The following TMEM161B variants were observed in gnomAD, a reference collection of about 807,000 sequenced individuals.
TMEM161B encodes the protein transmembrane protein 161B.
Under a neutral mutation model 61.8 loss-of-function variants are expected in TMEM161B, and 34 were observed. The ratio of observed to expected loss-of-function variants is 0.55; its 90% CI spans 0.42 to 0.73. The LOEUF is 0.73. Among genes scored for constraint, TMEM161B ranks in the 30% least tolerant of loss-of-function variants. The pLI is 0.00. For missense variants in TMEM161B, 456 were observed against 558.5 expected, an observed-to-expected ratio of 0.82 and a Z score of 1.85; for synonymous variants, 167 against 192.8, an observed-to-expected ratio of 0.87 and a Z score of 1.11.
intron 1 of TMEM161B, among the ~76,000 whole-genome samples, chr5:88,243,839 T>C (rs1192653178): frequency 6.6e-6 from 1 of 151,978 alleles, no homozygotes; most frequent in Non-Finnish European, 1.5e-5. Context: ...ATTTCTCTAA[T>C]GATTAGTGAT....
chr5:88,211,011 T>C (rs964608773), intron 5 of TMEM161B, among the ~76,000 whole-genome samples: 1 of 152,130 alleles, frequency 6.6e-6, no homozygotes, highest in Non-Finnish European at 1.5e-5. Context: ...CCTAATCCTT[T>C]AATAATGTTA....
rs564925991 is a variant in TMEM161B at position 88,251,165 on chromosome 5, G to A, written c.4-10249C>T. ...ATGAAATCATAGGGGTAAAGAAAAC[G>A]GTCCTCATATACTGAGTCTGCCTCA... is the stretch of plus-strand genomic sequence containing the variant. On this transcript the variant is annotated intron_variant, in intron 1 of 11. Coordinates refer to ENST00000296595, the MANE Select transcript of TMEM161B (RefSeq NM_153354.5). 4.6e-5 allele frequency: 7 copies of A among 152,086 alleles called. No homozygotes were observed. In the South Asian group the frequency reaches 1.0e-3, roughly 23 times the overall value. The allele number at this position is 152,086 out of a possible 1,614,324, so 9.4% of individuals were successfully genotyped here.
chr5:88,220,617 G>A lies in TMEM161B; in HGVS notation c.392C>T (p.Thr131Ile). 6.3e-7 allele frequency: 1 copy of A among 1,590,978 alleles called. No homozygotes were observed. Among genetic ancestry groups the A allele is most frequent in the Admixed American group, 1.7e-5 (1 of 57,662 alleles). ...TEVYYNFMKP[T>I]QEMNISLVWC... ...GACTAAGCTGATATTCATTTCCTGT[G>A]TAGGCTTCATAAAATTGTAGTAGAC... Residue 131 changes from threonine to isoleucine, a missense_variant, in exon 5 of 12, where the codon ACA (threonine) becomes ATA (isoleucine). Physicochemically the swap from Thr to Ile is moderately conservative, Grantham distance 89. This residue lies in a region of TMEM161B where 367 missense variants were observed against 427.3 expected (regional missense o/e 0.86). Coordinates refer to ENST00000296595, the MANE Select transcript of TMEM161B (RefSeq NM_153354.5).
At chr5:88,257,747 C>T (rs1755159997) in intron 1 of TMEM161B, among the ~76,000 whole-genome samples, 1 of 152,184 alleles carries the variant, frequency 6.6e-6, no homozygotes, top group Non-Finnish European at 1.5e-5. Flanking sequence ...ATAATCCATT[C>T]TCATAAAGAT....
chr5:88,212,516 A>G (rs915962318), intron 5 of TMEM161B, among the ~76,000 whole-genome samples: 3 of 152,218 alleles, frequency 2.0e-5, no homozygotes, highest in African/African-American at 7.2e-5. Context: ...ACTTAATTAA[A>G]TAACATACAC....
At chr5:88,233,095 C>T (rs959859067) in intron 2 of TMEM161B, among the ~76,000 whole-genome samples, 5 of 152,120 alleles carry the variant, frequency 3.3e-5, no homozygotes, top group African/African-American at 1.2e-4. Context: ...ATTTATCAGT[C>T]ACTTAGGGAG....
chr5:88,262,636 A>C (rs1360100504), intron 1 of TMEM161B, among the ~76,000 whole-genome samples: 1 of 152,182 alleles, frequency 6.6e-6, no homozygotes, highest in African/African-American at 2.4e-5. Flanking sequence ...AAGTGAAAGA[A>C]GTTAATCTGA....
At chr5:88,249,227 T>C (rs35541151) in intron 1 of TMEM161B, among the ~76,000 whole-genome samples, 5,478 of 152,056 alleles carry the variant, frequency 0.036, 139 homozygotes, top group Non-Finnish European at 0.055. Context: ...AGAGGCAAAA[T>C]GTCTCATAAA....
intron 2 of TMEM161B, among the ~76,000 whole-genome samples, chr5:88,230,509 T>C (rs910893044): frequency 1.1e-4 from 16 of 152,172 alleles, no homozygotes; most frequent in African/African-American, 3.9e-4. Flanking sequence ...GCATTATCTC[T>C]TGCTTCTACA....
chr5:88,228,184 C>G (rs543028689), intron 3 of TMEM161B, among the ~76,000 whole-genome samples: 1 of 152,232 alleles, frequency 6.6e-6, no homozygotes, highest in Non-Finnish European at 1.5e-5. Flanking sequence ...AAGTCTCTCC[C>G]CAGTCAACCC....
chr5:88,244,822 C>A (rs1753346466), intron 1 of TMEM161B, among the ~76,000 whole-genome samples: 1 of 151,694 alleles, frequency 6.6e-6, no homozygotes, highest in Non-Finnish European at 1.5e-5. Context: ...TTTCTTTGAG[C>A]AGTATTTTGT....
At chr5:88,226,719 C>T (rs1004270233) in intron 3 of TMEM161B, among the ~76,000 whole-genome samples, 1 of 152,126 alleles carries the variant, frequency 6.6e-6, no homozygotes, top group Admixed American at 6.5e-5. Flanking sequence ...ATTCTTGTTA[C>T]TAGGAACAAG....
At chr5:88,221,989 T>C (rs956308700) in intron 4 of TMEM161B, among the ~76,000 whole-genome samples, 2 of 152,220 alleles carry the variant, frequency 1.3e-5, no homozygotes, top group African/African-American at 4.8e-5. Context: ...ACCATTTCTA[T>C]AAGATGATCA....
intron 10 of TMEM161B, chr5:88,198,208 C>T (rs1235124275): frequency 1.3e-5 from 2 of 152,070 alleles, no homozygotes; most frequent in African/African-American, 4.8e-5. Flanking sequence ...TATTTGAAGT[C>T]AAACTATGGA....
intron 8 of TMEM161B, among the ~76,000 whole-genome samples, chr5:88,204,714 GA>G (rs1745107246): frequency 6.6e-6 from 1 of 151,830 alleles, no homozygotes; most frequent in Non-Finnish European, 1.5e-5. Context: ...GGTGGTGGGA[GA>G]AAGACGGGAT....
At chr5:88,263,273 A>G (rs978207148) in intron 1 of TMEM161B, among the ~76,000 whole-genome samples, 5 of 152,164 alleles carry the variant, frequency 3.3e-5, no homozygotes, top group African/African-American at 1.2e-4. Context: ...TGTTAAATGT[A>G]TCACAACTGA....
intron 3 of TMEM161B, among the ~76,000 whole-genome samples, chr5:88,227,226 A>G (rs2112571240): frequency 6.6e-6 from 1 of 152,190 alleles, no homozygotes; most frequent in East Asian, 1.9e-4. Flanking sequence ...CATAGTAGCT[A>G]TAAATGGGTG....
intron 4 of TMEM161B, among the ~76,000 whole-genome samples, chr5:88,221,019 G>T (rs1402707244): frequency 6.6e-6 from 1 of 152,136 alleles, no homozygotes; most frequent in Non-Finnish European, 1.5e-5. Context: ...TGTCTTAACT[G>T]ATTAGCTACT....
intron 1 of TMEM161B, among the ~76,000 whole-genome samples, chr5:88,265,928 C>A (rs1756318209): frequency 6.6e-6 from 1 of 152,200 alleles, no homozygotes; most frequent in African/African-American, 2.4e-5. Flanking sequence ...ATCTACCTAT[C>A]TTCCACAAAT....
Sources: gnomAD v4.1 joint callset for allele counts (sites outside exome capture counted in the v4.1 genomes callset) on GRCh38, gnomAD v4.1.1 for gene constraint, gnomAD v4.1.1 regional missense constraint, MANE v1.5 for transcripts, NCBI Gene and HGNC (gene_info 2026-07-23, HGNC 2026-07-21) for gene names.